The following MITF variants were observed in gnomAD, a reference collection of about 807,000 sequenced individuals.
MITF encodes melanocyte inducing transcription factor, also known as microphthalmia-associated transcription factor.
MITF carries 17 observed loss-of-function variants against 60.5 expected under a neutral mutation model. The ratio of observed to expected loss-of-function variants is 0.28; its 90% confidence interval spans 0.19 to 0.42. MITF has a LOEUF of 0.42. MITF is among the 10% of genes least tolerant of loss of function. The probability of loss-of-function intolerance (pLI) is 1.00; values close to 1 mark genes in which losing one functional copy is unlikely to be tolerated. For synonymous variants in MITF, 260 were observed against 248.5 expected, an observed-to-expected ratio of 1.05 and a Z score of -0.43; for missense variants, 622 against 683.5, an observed-to-expected ratio of 0.91 and a Z score of 1.00.
chr3:69,751,153 G>T (rs1052566408), intron 1 of MITF, among the ~76,000 whole-genome samples: 1 of 152,202 alleles, frequency 6.6e-6, no homozygotes, highest in Non-Finnish European at 1.5e-5. Context: ...TTGAGAAACA[G>T]GGTGATGGTG....
intron 2 of MITF, among the ~76,000 whole-genome samples, chr3:69,885,815 T>A (rs1471453109): frequency 6.6e-6 from 1 of 152,106 alleles, no homozygotes; most frequent in African/African-American, 2.4e-5. Flanking sequence ...GGACCATTTG[T>A]GGAGGCTCCT....
At chr3:69,777,052 T>C (rs1231455337) in intron 1 of MITF, among the ~76,000 whole-genome samples, 2 of 152,200 alleles carry the variant, frequency 1.3e-5, no homozygotes, top group African/African-American at 2.4e-5. Context: ...AAAAGTCTTA[T>C]AATCATGCAT....
intron 2 of MITF, among the ~76,000 whole-genome samples, chr3:69,928,783 G>A (rs907142798): frequency 1.3e-5 from 2 of 152,156 alleles, no homozygotes; most frequent in Non-Finnish European, 2.9e-5. Context: ...CTTGCCTGTG[G>A]TTTGTGTCCA....
At chr3:69,771,860 T>A (rs967817473) in intron 1 of MITF, among the ~76,000 whole-genome samples, 1 of 152,228 alleles carries the variant, frequency 6.6e-6, no homozygotes. Context: ...GCCATCGCGA[T>A]GCATGCTTGA....
chr3:69,835,698 A>G (rs2063529227), intron 1 of MITF, among the ~76,000 whole-genome samples: 1 of 152,130 alleles, frequency 6.6e-6, no homozygotes, highest in Non-Finnish European at 1.5e-5. Flanking sequence ...GCATATGAAT[A>G]TCTGATTTTC....
chr3:69,884,502 T>C (rs1310208876), intron 2 of MITF, among the ~76,000 whole-genome samples: 2 of 152,166 alleles, frequency 1.3e-5, no homozygotes, highest in Non-Finnish European at 2.9e-5. Flanking sequence ...CTTCTCACCC[T>C]GTGTCTTGAG....
intron 6 of MITF, among the ~76,000 whole-genome samples, chr3:69,949,657 T>C (rs2066192418): frequency 6.6e-6 from 1 of 152,240 alleles, no homozygotes; most frequent in Non-Finnish European, 1.5e-5. Flanking sequence ...TTTTGCTGTA[T>C]TGTGTGCAAA....
chr3:69,961,323 A>G (rs1305582055), intron 9 of MITF, among the ~76,000 whole-genome samples: 1 of 149,608 alleles, frequency 6.7e-6, no homozygotes, highest in Non-Finnish European at 1.5e-5. Flanking sequence ...CAGAGGTTGC[A>G]GTGAGCCAAG....
At chr3:69,935,795 A>G (rs2065819862) in intron 2 of MITF, among the ~76,000 whole-genome samples, 1 of 152,190 alleles carries the variant, frequency 6.6e-6, no homozygotes, top group African/African-American at 2.4e-5. Context: ...TTCACAATGT[A>G]TATTCTATGC....
At chr3:69,960,183 G>A (rs1481802124) in intron 9 of MITF, among the ~76,000 whole-genome samples, 4 of 152,138 alleles carry the variant, frequency 2.6e-5, no homozygotes, top group African/African-American at 4.8e-5. Context: ...TGTAGGGTCC[G>A]GGAAGCAGTT....
intron 1 of MITF, among the ~76,000 whole-genome samples, chr3:69,830,418 A>C (rs544707088): frequency 6.6e-6 from 1 of 152,058 alleles, no homozygotes; most frequent in African/African-American, 2.4e-5. Flanking sequence ...CTTTGCTCAG[A>C]TGTCATCCTC....
At chr3:69,777,449 G>C (rs143877469) in intron 1 of MITF, among the ~76,000 whole-genome samples, 135 of 152,076 alleles carry the variant, frequency 8.9e-4, no homozygotes, top group African/African-American at 3.1e-3. Flanking sequence ...TTCCTTTTTT[G>C]TTTCAAGTGA....
chr3:69,801,417 A>G (rs957797900), intron 1 of MITF, among the ~76,000 whole-genome samples: 1 of 152,216 alleles, frequency 6.6e-6, no homozygotes, highest in African/African-American at 2.4e-5. Flanking sequence ...CAATAACAGT[A>G]TAGTTTTCTT....
At chr3:69,828,069 A>T (rs755397023) in intron 1 of MITF, among the ~76,000 whole-genome samples, 1 of 152,144 alleles carries the variant, frequency 6.6e-6, no homozygotes. Context: ...AGTTGGCCCA[A>T]GGTATGATTA....
intron 1 of MITF, among the ~76,000 whole-genome samples, chr3:69,870,438 A>G (rs140089615): frequency 3.5e-5 from 5 of 141,688 alleles, no homozygotes; most frequent in Non-Finnish European, 6.1e-5. Context: ...ATATATATAT[A>G]TATTTTTTTT....
At chr3:69,870,440 A>ATATATAT (rs1435617160) in intron 1 of MITF, among the ~76,000 whole-genome samples, 10 of 135,252 alleles carry the variant, frequency 7.4e-5, no homozygotes, top group African/African-American at 2.8e-4. Flanking sequence ...ATATATATAT[A>ATATATAT]TTTTTTTTTT....
At chr3:69,756,170 G>T (rs1704141628) in intron 1 of MITF, among the ~76,000 whole-genome samples, 1 of 151,996 alleles carries the variant, frequency 6.6e-6, no homozygotes, top group Non-Finnish European at 1.5e-5. Context: ...GAATGTGCAG[G>T]TTTGTTACAT....
intron 1 of MITF, among the ~76,000 whole-genome samples, chr3:69,780,933 T>C (rs1173403528): frequency 6.6e-6 from 1 of 152,202 alleles, no homozygotes; most frequent in Non-Finnish European, 1.5e-5. Context: ...TGACCATCTT[T>C]GGAGACAACC....
chr3:69,742,762 T>C (rs990409437), intron 1 of MITF, among the ~76,000 whole-genome samples: 1 of 152,236 alleles, frequency 6.6e-6, no homozygotes, highest in Non-Finnish European at 1.5e-5. Flanking sequence ...CAGGAAATGT[T>C]AGCAGATGTT....
Sources: gnomAD v4.1 joint callset for allele counts (sites outside exome capture counted in the v4.1 genomes callset) on GRCh38, gnomAD v4.1.1 for gene constraint, MANE v1.5 for transcripts, NCBI Gene and HGNC (gene_info 2026-07-23, HGNC 2026-07-21) for gene names.